HS3ST4: variants seen among roughly 807,000 people sequenced by gnomAD.
HS3ST4 encodes the protein heparan sulfate-glucosamine 3-sulfotransferase 4.
HS3ST4 carries 17 observed loss-of-function variants against 29.2 expected under a neutral mutation model. The ratio of observed to expected loss-of-function variants is 0.58; its 90% CI spans 0.40 to 0.87. The LOEUF (loss-of-function observed/expected upper bound fraction) is 0.87, where lower values mean the gene tolerates loss of function less well. HS3ST4 is among the 40% of genes least tolerant of loss of function. The probability of loss-of-function intolerance (pLI) is 0.00; values close to 1 mark genes in which losing one functional copy is unlikely to be tolerated. For missense variants in HS3ST4, 627 were observed against 634.5 expected, an observed-to-expected ratio of 0.99 and a Z score of 0.13; for synonymous variants, 314 against 285.7, an observed-to-expected ratio of 1.10 and a Z score of -1.00.
intron 1 of HS3ST4, among the ~76,000 whole-genome samples, chr16:25,977,426 TC>T (rs1157488821): frequency 1.3e-5 from 2 of 152,186 alleles, no homozygotes; most frequent in Non-Finnish European, 2.9e-5. Context: ...TAAATTCTCA[TC>T]ACACCTATGT....
At chr16:26,010,095 T>C (rs1969296889) in intron 1 of HS3ST4, among the ~76,000 whole-genome samples, 1 of 152,180 alleles carries the variant, frequency 6.6e-6, no homozygotes, top group South Asian at 2.1e-4. Flanking sequence ...TACAGGTCTT[T>C]AAGAGGTCTA....
rs566236700 is a variant in HS3ST4, at chr16:25,692,974, C to A, written c.557C>A (p.Ala186Asp). 2.3e-5 allele frequency: 37 copies of A among 1,610,814 alleles called. No homozygotes were observed. In the South Asian group the frequency reaches 3.9e-4, roughly 17 times the overall value. ...AACGGGAGCAGCGAGAGGGGCGGCG[C>A]CGTCAGCACCCCCGACTATGGGGAG... ...AANGSSERGGAVSTPDYGEKK... is the reference protein window; with the variant it reads ...AANGSSERGGDVSTPDYGEKK... Residue 186 changes from alanine to aspartate, a missense_variant, in exon 1 of 2, where the codon GCC becomes GAC. Coordinates refer to ENST00000331351, the MANE Select transcript of HS3ST4 (RefSeq NM_006040.3).
At chr16:26,094,469 T>C (rs553669786) in intron 1 of HS3ST4, among the ~76,000 whole-genome samples, 2 of 152,264 alleles carry the variant, frequency 1.3e-5, no homozygotes, top group Non-Finnish European at 2.9e-5. Context: ...TCAACATTCA[T>C]AAAGGAAAGA....
intron 1 of HS3ST4, among the ~76,000 whole-genome samples, chr16:25,895,555 T>G (rs1415454863): frequency 6.6e-6 from 1 of 152,024 alleles, no homozygotes; most frequent in African/African-American, 2.4e-5. Context: ...CTCGGTTGTC[T>G]GGGCTGCTGT....
intron 1 of HS3ST4, among the ~76,000 whole-genome samples, chr16:25,812,414 C>T (rs1231269205): frequency 6.6e-6 from 1 of 152,208 alleles, no homozygotes; most frequent in Admixed American, 6.5e-5. Context: ...ATCTTCTCTG[C>T]CGTTTCCCTT....
chr16:25,789,363 C>G (rs181198676), intron 1 of HS3ST4, among the ~76,000 whole-genome samples: 17 of 149,568 alleles, frequency 1.1e-4, no homozygotes, highest in Non-Finnish European at 2.1e-4. Context: ...TTTCCTTTCC[C>G]TCTCTCTCTT....
chr16:25,971,837 G>C (rs1332366514), intron 1 of HS3ST4, among the ~76,000 whole-genome samples: 1 of 152,130 alleles, frequency 6.6e-6, no homozygotes, highest in African/African-American at 2.4e-5. Context: ...AGGCTGAGGT[G>C]TGAGAATCGC....
rs371621679 is a variant in HS3ST4 at position 25,971,039 on chromosome 16, C to T, written c.735-164573C>T. 1.3e-4 allele frequency among the ~76,000 whole-genome samples: 19 copies of T among 151,838 alleles called. No individual in the cohort carries two copies. The South Asian group carries it at 2.1e-3, about 17-fold the overall frequency. On this transcript the variant is annotated intron_variant, in intron 1 of 1. Transcript: ENST00000331351. ...CTATTTTTTGTATTTTTAGTAGAGA[C>T]GGGGTTTCACCATGTTGGCCAGGCT... is the stretch of plus-strand genomic sequence containing the variant.
chr16:26,055,624 T>A (rs1898397670), intron 1 of HS3ST4, among the ~76,000 whole-genome samples: 1 of 152,186 alleles, frequency 6.6e-6, no homozygotes, highest in Non-Finnish European at 1.5e-5. Context: ...TCCCGCATAA[T>A]AATCCTCAGA....
chr16:26,051,938 C>T (rs915566785), intron 1 of HS3ST4, among the ~76,000 whole-genome samples: 2 of 137,186 alleles, frequency 1.5e-5, no homozygotes, highest in South Asian at 2.7e-4. Flanking sequence ...TCCTTCCTTC[C>T]GTCCTTCCTT....
intron 1 of HS3ST4, among the ~76,000 whole-genome samples, chr16:25,824,406 T>C (rs978635565): frequency 6.6e-6 from 1 of 152,172 alleles, no homozygotes; most frequent in Non-Finnish European, 1.5e-5. Flanking sequence ...AGAGGCTTAA[T>C]GGACTCACAG....
rs1372998385 is a variant in HS3ST4 at position 25,811,985 on chromosome 16, G to A, written c.734+118834G>A. Among the ~76,000 whole-genome samples, 3 of 152,120 alleles carry A rather than the reference G, an allele frequency of 2.0e-5. No individual in the cohort carries two copies. The East Asian group carries it at 5.8e-4, about 29-fold the overall frequency. Reference sequence around the variant, plus strand: ...CCAGCTGCATCCAAGTTACTGCAAAGGACATGATTTTGTTCTTTTTTTAGT... The same window carrying A: ...CCAGCTGCATCCAAGTTACTGCAAAAGACATGATTTTGTTCTTTTTTTAGT... On this transcript the variant is annotated intron_variant, in intron 1 of 1. Coordinates refer to ENST00000331351, the MANE Select transcript of HS3ST4 (RefSeq NM_006040.3).
At chr16:25,964,813 A>G (rs920794867) in intron 1 of HS3ST4, among the ~76,000 whole-genome samples, 2 of 152,176 alleles carry the variant, frequency 1.3e-5, no homozygotes, top group African/African-American at 4.8e-5. Flanking sequence ...ACTTAACATT[A>G]TTTTATAAAC....
At chr16:26,007,452 T>C (rs1324430437) in intron 1 of HS3ST4, among the ~76,000 whole-genome samples, 1 of 152,214 alleles carries the variant, frequency 6.6e-6, no homozygotes, top group Non-Finnish European at 1.5e-5. Flanking sequence ...GTGCCTCAGT[T>C]TCCTTATCCA....
At chr16:25,773,913 C>G (rs191244389) in intron 1 of HS3ST4, among the ~76,000 whole-genome samples, 92 of 152,124 alleles carry the variant, frequency 6.0e-4, no homozygotes, top group African/African-American at 2.1e-3. Context: ...AAACCAGCCC[C>G]CCTAAACCCT....
At chr16:25,881,836 A>G (rs1390510299) in intron 1 of HS3ST4, among the ~76,000 whole-genome samples, 1 of 152,196 alleles carries the variant, frequency 6.6e-6, no homozygotes, top group East Asian at 1.9e-4. Context: ...GGTTTCTCAC[A>G]CTGAGTGCAA....
chr16:25,876,642 G>A (rs532579288), intron 1 of HS3ST4, among the ~76,000 whole-genome samples: 1 of 152,238 alleles, frequency 6.6e-6, no homozygotes, highest in Non-Finnish European at 1.5e-5. Context: ...TGGAGCTGGG[G>A]GTAGGGTCAT....
chr16:25,828,192 CTTTT>C (rs1252679222), intron 1 of HS3ST4, among the ~76,000 whole-genome samples: 1 of 126,104 alleles, frequency 7.9e-6, no homozygotes, highest in East Asian at 2.7e-4. Context: ...CTCTTTCTTT[CTTTT>C]CTTTCTTTCT....
chr16:25,756,046 G>A (rs893613840), intron 1 of HS3ST4, among the ~76,000 whole-genome samples: 1 of 151,604 alleles, frequency 6.6e-6, no homozygotes, highest in Non-Finnish European at 1.5e-5. Context: ...AATATTCCTT[G>A]ATCTTTAATA....
Sources: gnomAD v4.1 joint callset for allele counts (sites outside exome capture counted in the v4.1 genomes callset) on GRCh38, gnomAD v4.1.1 for gene constraint, MANE v1.5 for transcripts, NCBI Gene and HGNC (gene_info 2026-07-23, HGNC 2026-07-21) for gene names.